The following STXBP5L variants were observed in gnomAD, a reference collection of about 807,000 sequenced individuals.
STXBP5L encodes the protein syntaxin-binding protein 5-like.
STXBP5L carries 65 observed loss-of-function variants against 144.5 expected under a neutral mutation model. That is an observed-to-expected ratio of 0.45 (90% CI 0.37 to 0.55). The LOEUF (loss-of-function observed/expected upper bound fraction) is 0.55, where lower values mean the gene tolerates loss of function less well. STXBP5L is among the 20% of genes least tolerant of loss of function. The pLI is 0.00. For synonymous variants in STXBP5L, 505 were observed against 469.6 expected (o/e 1.08, Z -0.97); for missense variants, 1,298 against 1,405.5 (o/e 0.92, Z 1.22).
chr3:121,352,845 A>T lies in STXBP5L; in HGVS notation c.2177-25871A>T, dbSNP rs557776167. ...GTCATAAGTAGCTCTTATTATTTTG[A>T]GATGCGTTCCATCAATATCTAGTTT... On this transcript the variant is annotated intron_variant, in intron 20 of 26. Transcript: ENST00000471454. 6.3e-4 allele frequency among the ~76,000 whole-genome samples: 96 copies of T among 152,172 alleles called. No individual in the cohort carries two copies. In the Middle Eastern group the frequency reaches 0.01, roughly 16 times the overall value.
intron 2 of STXBP5L, among the ~76,000 whole-genome samples, chr3:120,925,319 G>T (rs1469295258): frequency 6.6e-6 from 1 of 152,032 alleles, no homozygotes; most frequent in Non-Finnish European, 1.5e-5. Flanking sequence ...ATTAATGTTT[G>T]CTTCATATAC....
At chr3:121,096,076 G>A (rs973237840) in intron 5 of STXBP5L, among the ~76,000 whole-genome samples, 3 of 151,786 alleles carry the variant, frequency 2.0e-5, no homozygotes, top group South Asian at 2.1e-4. Context: ...ACCTTGCTTC[G>A]GCTCTTGCTT....
intron 19 of STXBP5L, among the ~76,000 whole-genome samples, chr3:121,293,055 A>G (rs192092195): frequency 1.3e-5 from 2 of 152,352 alleles, no homozygotes; most frequent in Non-Finnish European, 2.9e-5. Flanking sequence ...AATTTTAAAC[A>G]CTAAAACAAC....
chr3:121,113,746 T>G (rs1009252460), intron 5 of STXBP5L, among the ~76,000 whole-genome samples: 1 of 146,496 alleles, frequency 6.8e-6, no homozygotes, highest in Non-Finnish European at 1.5e-5. Flanking sequence ...CAGTCTCGGC[T>G]CATGGTAACC....
intron 3 of STXBP5L, among the ~76,000 whole-genome samples, chr3:121,029,470 C>CT (rs1946204013): frequency 6.6e-6 from 1 of 152,126 alleles, no homozygotes; most frequent in Non-Finnish European, 1.5e-5. Flanking sequence ...GGAAAACTGG[C>CT]TAGCCATATG....
At chr3:121,378,644 T>A in intron 20 of STXBP5L, 72 bp from the exon 21 acceptor site, 1 of 1,435,816 alleles carries the variant, frequency 7.0e-7, no homozygotes, top group Non-Finnish European at 9.3e-7. Context: ...CATTTGTTAA[T>A]CTACACGCTT....
intron 5 of STXBP5L, among the ~76,000 whole-genome samples, chr3:121,078,177 C>T (rs1377798144): frequency 6.6e-6 from 1 of 152,144 alleles, no homozygotes; most frequent in African/African-American, 2.4e-5. Context: ...CTGAACTAGA[C>T]ACAGGGTGCA....
intron 14 of STXBP5L, among the ~76,000 whole-genome samples, chr3:121,248,908 T>G (rs1382952653): frequency 6.6e-6 from 1 of 151,956 alleles, no homozygotes; most frequent in East Asian, 1.9e-4. Flanking sequence ...TAAGGAGTTC[T>G]TTCCCCATTG....
At chr3:121,250,796 A>G (rs761148473) in intron 15 of STXBP5L, 33 bp downstream of exon 15, 1 of 1,574,934 alleles carries the variant, frequency 6.3e-7, no homozygotes, top group Admixed American at 1.9e-5. Context: ...ACAGAAACCA[A>G]TTGGTTAATA....
At chr3:121,386,598 T>G (rs1403573213) in intron 22 of STXBP5L, among the ~76,000 whole-genome samples, 1 of 152,040 alleles carries the variant, frequency 6.6e-6, no homozygotes, top group African/African-American at 2.4e-5. Flanking sequence ...TTCCCTGCGC[T>G]GTGTCCAAGT....
chr3:120,913,148 C>G (rs1271760062), intron 2 of STXBP5L, among the ~76,000 whole-genome samples: 1 of 151,886 alleles, frequency 6.6e-6, no homozygotes, highest in Non-Finnish European at 1.5e-5. Flanking sequence ...TTAGCATCTT[C>G]CTGTGATTAA....
intron 20 of STXBP5L, among the ~76,000 whole-genome samples, chr3:121,343,314 G>T (rs1296110321): frequency 1.3e-5 from 2 of 151,982 alleles, no homozygotes; most frequent in African/African-American, 4.8e-5. Context: ...TCTGATGGTA[G>T]TTTCTTTTGC....
At chr3:121,008,949 G>T (rs1242740602) in intron 3 of STXBP5L, among the ~76,000 whole-genome samples, 1 of 150,930 alleles carries the variant, frequency 6.6e-6, no homozygotes, top group Non-Finnish European at 1.5e-5. Context: ...TTTTTACCAA[G>T]TGGGTGGTTG....
chr3:121,390,240 G>T (rs1325093228), intron 22 of STXBP5L, among the ~76,000 whole-genome samples: 1 of 151,986 alleles, frequency 6.6e-6, no homozygotes, highest in African/African-American at 2.4e-5. Context: ...TATTTGCTTG[G>T]TAGATCTTCC....
chr3:121,399,394 C>T (rs770935533), intron 22 of STXBP5L, among the ~76,000 whole-genome samples: 3 of 152,096 alleles, frequency 2.0e-5, no homozygotes, highest in Non-Finnish European at 2.9e-5. Flanking sequence ...GTTGGGGAGA[C>T]CCTAACTCAG....
intron 3 of STXBP5L, among the ~76,000 whole-genome samples, chr3:120,989,682 C>T (rs139578811): frequency 5.3e-5 from 8 of 152,186 alleles, no homozygotes; most frequent in East Asian, 1.9e-4. Context: ...TTTTGTTTTA[C>T]GTATTACGTA....
intron 3 of STXBP5L, among the ~76,000 whole-genome samples, chr3:120,957,715 A>C (rs1576484734): frequency 6.6e-6 from 1 of 152,204 alleles, no homozygotes; most frequent in Non-Finnish European, 1.5e-5. Flanking sequence ...ACCAACGAGA[A>C]CAAAGATACA....
Position 121,223,009 on chromosome 3 carries a change from A to G in STXBP5L, c.963A>G (p.Pro321=). Residue 321 remains proline, a synonymous_variant, in exon 11 of 27, where the codon CCA becomes CCG. Coordinates refer to ENST00000471454, the MANE Select transcript of STXBP5L (RefSeq NM_001308330.2). ...VEYKTCKNSE[P]FIIFSGGLSY... ...CATGTTTTTTCCTATGTAGCGAACC[A>G]TTCATAATATTCTCTGGTGGGCTGT... The G allele has an allele frequency of 6.2e-7, 1 of 1,600,582 alleles. No homozygotes were observed. Among genetic ancestry groups the G allele is most frequent in the Non-Finnish European group, 8.5e-7 (1 of 1,176,074 alleles).
At chr3:120,977,501 T>G (rs150036272) in intron 3 of STXBP5L, among the ~76,000 whole-genome samples, 1 of 152,202 alleles carries the variant, frequency 6.6e-6, no homozygotes, top group South Asian at 2.1e-4. Flanking sequence ...TTTATCCAAT[T>G]TGGCAGTCTG....
Sources: gnomAD v4.1 joint callset for allele counts (sites outside exome capture counted in the v4.1 genomes callset) on GRCh38, gnomAD v4.1.1 for gene constraint, MANE v1.5 for transcripts, NCBI Gene and HGNC (gene_info 2026-07-23, HGNC 2026-07-21) for gene names.